The following KDM4C variants were observed in gnomAD, a reference collection of about 807,000 sequenced individuals.
KDM4C encodes lysine-specific demethylase 4C.
A neutral mutation model predicts 129.3 loss-of-function variants in KDM4C; 81 were observed. The observed-to-expected ratio is 0.63, with a 90% CI of 0.52 to 0.75. The LOEUF (loss-of-function observed/expected upper bound fraction) is 0.75. Ranked by LOEUF, KDM4C falls within the 30% of genes least tolerant of loss-of-function variation. The pLI, the probability that KDM4C is intolerant of heterozygous loss-of-function variation, is 0.00. For missense variants in KDM4C, 1,457 were observed against 1,304.0 expected, an observed-to-expected ratio of 1.12 and a Z score of -1.81; for synonymous variants, 573 against 456.1, an observed-to-expected ratio of 1.26 and a Z score of -3.26.
intron 8 of KDM4C, among the ~76,000 whole-genome samples, chr9:6,932,107 G>C (rs1307655818): frequency 6.6e-6 from 1 of 152,140 alleles, no homozygotes; most frequent in African/African-American, 2.4e-5. Context: ...TGGTGTTTGG[G>C]GTGGGGCCAG....
intron 15 of KDM4C, 78 bp downstream of exon 15, chr9:7,016,007 G>T: frequency 3.0e-6 from 3 of 1,001,348 alleles, no homozygotes; most frequent in Non-Finnish European, 4.7e-6. Context: ...CTAGGGAAAA[G>T]ATAAGATTGC....
At chr9:6,765,025 T>C (rs894062260) in intron 1 of KDM4C, among the ~76,000 whole-genome samples, 2 of 152,168 alleles carry the variant, frequency 1.3e-5, no homozygotes, top group African/African-American at 4.8e-5. Context: ...AGGAATAATA[T>C]TGTGGGGATC....
At chr9:7,155,956 C>G (rs934293743) in intron 19 of KDM4C, among the ~76,000 whole-genome samples, 3 of 152,218 alleles carry the variant, frequency 2.0e-5, no homozygotes, top group Non-Finnish European at 4.4e-5. Context: ...AATGGTTGAA[C>G]TAATTTACAC....
At chr9:6,839,027 C>T (rs558682011) in intron 4 of KDM4C, among the ~76,000 whole-genome samples, 2 of 152,108 alleles carry the variant, frequency 1.3e-5, no homozygotes, top group South Asian at 2.1e-4. Context: ...TTTCTCCATG[C>T]GTGTTACCTT....
intron 2 of KDM4C, among the ~76,000 whole-genome samples, chr9:6,796,210 C>T (rs907634389): frequency 2.0e-5 from 3 of 151,984 alleles, no homozygotes; most frequent in African/African-American, 2.4e-5. Context: ...TCTGGGAGGC[C>T]GAGGTGGGTG....
At chr9:7,173,514 C>G (rs1845161464) in intron 21 of KDM4C, among the ~76,000 whole-genome samples, 1 of 152,178 alleles carries the variant, frequency 6.6e-6, no homozygotes, top group Non-Finnish European at 1.5e-5. Context: ...AGCTTTCTTC[C>G]AGTGGTACTG....
chr9:7,144,097 T>G (rs995800625), intron 19 of KDM4C, among the ~76,000 whole-genome samples: 1 of 151,988 alleles, frequency 6.6e-6, no homozygotes, highest in African/African-American at 2.4e-5. Flanking sequence ...TTACTCCTCT[T>G]TTTGTTTTTT....
chr9:6,933,907 C>CT (rs1563838793), intron 8 of KDM4C, among the ~76,000 whole-genome samples: 1 of 149,806 alleles, frequency 6.7e-6, no homozygotes, highest in Non-Finnish European at 1.5e-5. Context: ...TGAAGTGCAG[C>CT]GGTGTGATCT....
intron 8 of KDM4C, among the ~76,000 whole-genome samples, chr9:6,965,224 A>C (rs1018438425): frequency 5.9e-5 from 9 of 151,892 alleles, no homozygotes; most frequent in African/African-American, 1.9e-4. Flanking sequence ...TGAGCTTAAC[A>C]CAAGGCAAAT....
At chr9:6,765,092 C>G (rs1025343255) in intron 1 of KDM4C, among the ~76,000 whole-genome samples, 2 of 152,194 alleles carry the variant, frequency 1.3e-5, no homozygotes, top group East Asian at 1.9e-4. Context: ...CATCCTCCCT[C>G]CAATCTCTTT....
intron 19 of KDM4C, among the ~76,000 whole-genome samples, chr9:7,153,346 GC>G (rs775697979): frequency 1.3e-5 from 2 of 152,170 alleles, no homozygotes; most frequent in South Asian, 4.2e-4. Context: ...CATCAGAGTA[GC>G]CCCCTTGAGA....
At chr9:7,135,309 G>A (rs889636355) in intron 19 of KDM4C, among the ~76,000 whole-genome samples, 1 of 152,158 alleles carries the variant, frequency 6.6e-6, no homozygotes, top group African/African-American at 2.4e-5. Context: ...TGTGCTGGCA[G>A]TTATCTCAAG....
chr9:6,944,656 T>TTTG (rs1257988443), intron 8 of KDM4C, among the ~76,000 whole-genome samples: 1 of 140,034 alleles, frequency 7.1e-6, no homozygotes, highest in African/African-American at 2.6e-5. Flanking sequence ...GTAGAGGTTT[T>TTTG]TTTTTTTTTT....
chr9:6,786,270 G>C (rs2130812043), intron 1 of KDM4C, among the ~76,000 whole-genome samples: 1 of 152,298 alleles, frequency 6.6e-6, no homozygotes, highest in East Asian at 1.9e-4. Flanking sequence ...AACAAGGAGA[G>C]TAGATGTTTG....
intron 1 of KDM4C, chr9:6,721,166 C>A: frequency 1.9e-6 from 1 of 535,496 alleles, no homozygotes; most frequent in East Asian, 3.1e-5. Context: ...CTCAACATCC[C>A]AGGCTCAGGT....
chr9:6,727,188 T>G (rs1442325306), intron 1 of KDM4C: 1 of 152,072 alleles, frequency 6.6e-6, no homozygotes, highest in Non-Finnish European at 1.5e-5. Flanking sequence ...CAGTGGCTTG[T>G]GCCTGTAATC....
chr9:6,846,005 A>G (rs1335634936), intron 4 of KDM4C, among the ~76,000 whole-genome samples: 1 of 152,198 alleles, frequency 6.6e-6, no homozygotes, highest in African/African-American at 2.4e-5. Context: ...ACACTAAATC[A>G]TTCCTGTCAC....
chr9:6,740,570 G>C (rs1210679142), intron 1 of KDM4C, among the ~76,000 whole-genome samples: 1 of 151,948 alleles, frequency 6.6e-6, no homozygotes, highest in Non-Finnish European at 1.5e-5. Flanking sequence ...CCAGGATCTA[G>C]TGCAGTGGCA....
intron 3 of KDM4C, among the ~76,000 whole-genome samples, chr9:6,808,553 C>T (rs1830557530): frequency 6.7e-6 from 1 of 148,438 alleles, no homozygotes; most frequent in African/African-American, 2.5e-5. Context: ...GACACAAACA[C>T]TGCGGAAGGC....
Sources: gnomAD v4.1 joint callset for allele counts (sites outside exome capture counted in the v4.1 genomes callset) on GRCh38, gnomAD v4.1.1 for gene constraint, MANE v1.5 for transcripts, NCBI Gene and HGNC (gene_info 2026-07-23, HGNC 2026-07-21) for gene names.